The following CP variants were observed in gnomAD, a reference collection of about 807,000 sequenced individuals.
CP encodes the protein ceruloplasmin, also known as caeruloplasmin.
A neutral mutation model predicts 122.4 loss-of-function variants in CP; 64 were observed. The ratio of observed to expected loss-of-function variants is 0.52; its 90% CI spans 0.43 to 0.64. The LOEUF (loss-of-function observed/expected upper bound fraction) is 0.64, where lower values mean the gene tolerates loss of function less well. Among genes scored for constraint, CP ranks in the 30% least tolerant of loss-of-function variants. The pLI is 0.00. For synonymous variants in CP, 440 were observed against 436.4 expected, an observed-to-expected ratio of 1.01 and a Z score of -0.10; for missense variants, 1,167 against 1,284.4, an observed-to-expected ratio of 0.91 and a Z score of 1.40.
rs1388673417 is a variant in CP, at chr3:149,185,242, T to A, written c.2282A>T (p.Gln761Leu). ...GAATCAGAGTCTGGAGAATTACTTC[T>A]GCTCTTGTAAATGATGCAGCTCCTT... The part of the protein sequence containing the change: ...WEKELHHLQE[Q>L]NVSNAFLDKG... Residue 761 changes from glutamine (Q) to leucine (L), a missense_variant, in exon 12 of 19, where the codon CAG (glutamine) becomes CTG (leucine). This residue lies in a region of CP where 525 missense variants were observed against 657.2 expected (regional missense o/e 0.80). Coordinates refer to ENST00000264613, the MANE Select transcript of CP (RefSeq NM_000096.4). The A allele has an allele frequency of 6.2e-7, 1 of 1,612,378 alleles. No homozygotes were observed. Among genetic ancestry groups the A allele is most frequent in the East Asian group, 2.2e-5 (1 of 44,890 alleles).
In CP at chr3:149,163,835, G is replaced by C; in HGVS notation, c.*14-960C>G. ...TTTTGTTTATGAGAAATTCTTTTATGTTTTAGATAAATGCCTGTAGTCATT... is the reference window on the plus strand; with the variant it reads ...TTTTGTTTATGAGAAATTCTTTTATCTTTTAGATAAATGCCTGTAGTCATT... On this transcript the variant is annotated intron_variant, in intron 5 of 5. Transcript: ENST00000479771. 7.0e-7 allele frequency: 1 copy of C among 1,431,540 alleles called. No homozygotes were observed. 88.7% of individuals were successfully genotyped at this position (1,431,540 alleles called of 1,614,324 possible).
intron 9 of CP, among the ~76,000 whole-genome samples, chr3:149,192,544 T>C (rs959381717): frequency 2.7e-5 from 4 of 149,960 alleles, no homozygotes; most frequent in Non-Finnish European, 5.9e-5. Flanking sequence ...AACAGCTATA[T>C]TGTCACAGGC....
intron 7 of CP, 29 bp from the exon 8 acceptor site, chr3:149,199,893 T>C (rs1727184478): frequency 6.2e-7 from 1 of 1,610,518 alleles, no homozygotes; most frequent in Non-Finnish European, 8.5e-7. Flanking sequence ...TTATTATCCT[T>C]CCTTGGTATG....
chr3:149,213,864 T>C (rs1728279650), intron 1 of CP, among the ~76,000 whole-genome samples: 1 of 152,202 alleles, frequency 6.6e-6, no homozygotes, highest in Admixed American at 6.5e-5. Flanking sequence ...CTCTGGACTT[T>C]CACTGCTACA....
chr3:149,189,396 C>CA (rs977742096), intron 9 of CP, among the ~76,000 whole-genome samples: 12 of 151,248 alleles, frequency 7.9e-5, no homozygotes, highest in African/African-American at 2.4e-4. Context: ...ACTAAAAATA[C>CA]AAAAAAAATT....
intron 1 of CP, among the ~76,000 whole-genome samples, chr3:149,216,939 C>T (rs981469631): frequency 2.2e-4 from 31 of 138,942 alleles, no homozygotes; most frequent in Admixed American, 2.3e-4. Context: ...CTTGCTCTGT[C>T]GCCCAGGCTA....
intron 14 of CP, 29 bp downstream of exon 14, chr3:149,181,976 A>T: frequency 1.8e-6 from 1 of 561,800 alleles, no homozygotes; most frequent in Non-Finnish European, 3.3e-6. Context: ...GTTAAAATGC[A>T]CCACCCCCAC....
Position 149,178,546 on chromosome 3 carries a change from A to T in CP, c.2747T>A (p.Phe916Tyr). ...ATCAAAAACTAGAAACAGAAGGGCAAATTCCAGTTTCCTTCTGGGATTGAA... is the reference window on the plus strand; with the variant it reads ...ATCAAAAACTAGAAACAGAAGGGCATATTCCAGTTTCCTTCTGGGATTGAA... ...KVFNPRRKLE[F>Y]ALLFLVFDEN... The change falls in exon 16 of 19, where the codon TTT becomes TAT. Residue 916 changes from phenylalanine to tyrosine, a missense_variant. Phe to Tyr is a conservative substitution (Grantham distance 22). Transcript: ENST00000264613. The T allele has an allele frequency of 6.2e-7, 1 of 1,613,278 alleles. No homozygotes were observed. The highest frequency in any genetic ancestry group is 2.2e-5 in the East Asian group (1 of 44,866).
chr3:149,202,275 T>A, intron 6 of CP, 34 bp from the exon 7 acceptor site: 1 of 1,613,866 alleles, frequency 6.2e-7, no homozygotes, highest in East Asian at 2.2e-5. Context: ...ATGCTGGGGT[T>A]GAAGTAGAAC....
At chr3:149,194,871 A>G (rs1328902556) in intron 9 of CP, among the ~76,000 whole-genome samples, 1 of 152,236 alleles carries the variant, frequency 6.6e-6, no homozygotes, top group Non-Finnish European at 1.5e-5. Context: ...CATTAAAATG[A>G]TGGAAAAGAA....
At chr3:149,201,534 C>A (rs1397334213) in intron 7 of CP, among the ~76,000 whole-genome samples, 1 of 152,220 alleles carries the variant, frequency 6.6e-6, no homozygotes, top group South Asian at 2.1e-4. Flanking sequence ...ATTCCCCTTA[C>A]CTCTTTGAAG....
intron 4 of CP, 84 bp from the exon 5 acceptor site, chr3:149,207,701 T>G (rs915687805): frequency 1.4e-6 from 2 of 1,456,600 alleles, no homozygotes; most frequent in African/African-American, 2.8e-5. Flanking sequence ...TAGAATCAAT[T>G]TGGAATGGCA....
At chr3:149,212,224 T>G (rs1311976429) in intron 2 of CP, among the ~76,000 whole-genome samples, 1 of 151,814 alleles carries the variant, frequency 6.6e-6, no homozygotes, top group Non-Finnish European at 1.5e-5. Flanking sequence ...GGCAGGAGAA[T>G]GGCTTGAACC....
intron 1 of CP, among the ~76,000 whole-genome samples, chr3:149,218,454 T>A (rs934096107): frequency 6.6e-6 from 1 of 152,158 alleles, no homozygotes; most frequent in African/African-American, 2.4e-5. Context: ...CTTTTAGAAA[T>A]AAATATTATT....
At chr3:149,174,237 C>A (rs1725255231) in intron 18 of CP, among the ~76,000 whole-genome samples, 1 of 152,192 alleles carries the variant, frequency 6.6e-6, no homozygotes, top group Non-Finnish European at 1.5e-5. Context: ...CAATGCAGTA[C>A]ATGATCCGGG....
At chr3:149,197,676 G>T (rs2108267122) in intron 9 of CP, among the ~76,000 whole-genome samples, 2 of 152,268 alleles carry the variant, frequency 1.3e-5, no homozygotes, top group East Asian at 3.9e-4. Context: ...GGGAAAGGGG[G>T]GTGGTTTCTG....
chr3:149,187,050 G>T (rs1726224059), intron 10 of CP, among the ~76,000 whole-genome samples: 1 of 151,920 alleles, frequency 6.6e-6, no homozygotes, highest in South Asian at 2.1e-4. Flanking sequence ...GATTATATTT[G>T]TGAGCACCCA....
downstream of CP, among the ~76,000 whole-genome samples, chr3:149,171,287 A>T (rs79233568): frequency 0.022 from 3,284 of 152,276 alleles, 53 homozygotes; most frequent in Middle Eastern, 0.041. Flanking sequence ...AAAAAAAAAA[A>T]ATATATTGTT....
exon 5 of CP, chr3:149,165,958 G>T: frequency 2.2e-6 from 1 of 453,792 alleles, no homozygotes; most frequent in South Asian, 1.6e-5. Context: ...TATTCTCCTG[G>T]TCATTCCTTG....
Sources: gnomAD v4.1 joint callset for allele counts (sites outside exome capture counted in the v4.1 genomes callset) on GRCh38, gnomAD v4.1.1 for gene constraint, gnomAD v4.1.1 regional missense constraint, MANE v1.5 for transcripts, NCBI Gene and HGNC (gene_info 2026-07-23, HGNC 2026-07-21) for gene names.